Variants in GUCY2C observed in about 807,000 individuals in gnomAD.
The protein encoded by GUCY2C is guanylate cyclase 2C.
GUCY2C carries 118 observed loss-of-function variants against 131.1 expected under a neutral mutation model. That is an observed-to-expected ratio of 0.90 (90% CI 0.78 to 1.05). The LOEUF (loss-of-function observed/expected upper bound fraction) is 1.05, where lower values mean the gene tolerates loss of function less well. Ranked by LOEUF, GUCY2C falls within the 50% of genes least tolerant of loss-of-function variation. The pLI is 0.00. For synonymous variants in GUCY2C, 452 were observed against 457.8 expected (o/e 0.99, Z 0.16); for missense variants, 1,161 against 1,304.4 (o/e 0.89, Z 1.69).
At chr12:14,650,065 A>G (rs1349086256) in intron 15 of GUCY2C, among the ~76,000 whole-genome samples, 1 of 152,168 alleles carries the variant, frequency 6.6e-6, no homozygotes, top group African/African-American at 2.4e-5. Flanking sequence ...TTTAAAAATA[A>G]TAACTAGAAG....
rs11056082 is a variant in GUCY2C at position 14,653,937 on chromosome 12, G to T, written c.1471-923C>A. Among the ~76,000 whole-genome samples the T allele has an allele frequency of 9.9e-5, 15 of 152,224 alleles. No homozygotes were observed. The East Asian group carries it at 2.9e-3, about 29-fold the overall frequency. ...CATAAAAAGAGAATGGCAGAACCTA[G>T]GCTTGTCTTCTTGCCTAATGCTCTT... On this transcript the variant is annotated intron_variant, in intron 12 of 26. Coordinates refer to ENST00000261170, the MANE Select transcript of GUCY2C (RefSeq NM_004963.4).
chr12:14,671,739 G>C (rs1592133946), intron 9 of GUCY2C, among the ~76,000 whole-genome samples: 2 of 152,206 alleles, frequency 1.3e-5, no homozygotes, highest in South Asian at 4.1e-4. Context: ...GCCTCTCTCT[G>C]TGAAGATCAT....
chr12:14,661,643 T>G (rs191446699), intron 10 of GUCY2C, among the ~76,000 whole-genome samples: 66 of 152,178 alleles, frequency 4.3e-4, no homozygotes, highest in Non-Finnish European at 7.5e-4. Context: ...TTCGCCATGT[T>G]GCTGGCCATG....
intron 9 of GUCY2C, among the ~76,000 whole-genome samples, chr12:14,670,352 C>G (rs200587211): frequency 6.6e-6 from 1 of 151,360 alleles, no homozygotes; most frequent in Non-Finnish European, 1.5e-5. Context: ...TTTCTAATCT[C>G]TTCTATTCCT....
chr12:14,651,494 A>G lies in GUCY2C; in HGVS notation c.1623T>C (p.Tyr541=). ...IELNKLLQID[Y]YNLTKFYGTV... Reference sequence around the variant, plus strand: ...TGCCGTAGAACTTGGTCAGGTTGTAATAGTCAATCTGAAGCAACTAGAAGA... The same window carrying G: ...TGCCGTAGAACTTGGTCAGGTTGTAGTAGTCAATCTGAAGCAACTAGAAGA... The change falls in exon 15 of 27, where the codon TAT becomes TAC. Residue 541 remains tyrosine (Y), a synonymous_variant. Coordinates refer to ENST00000261170, the MANE Select transcript of GUCY2C (RefSeq NM_004963.4). The G allele has an allele frequency of 1.3e-6, 2 of 1,594,532 alleles. No individual in the cohort carries two copies. Among genetic ancestry groups the G allele is most frequent in the Non-Finnish European group, 1.7e-6 (2 of 1,162,262 alleles).
At chr12:14,643,463 G>A in intron 17 of GUCY2C, 111 bp downstream of exon 17, 2 of 884,430 alleles carry the variant, frequency 2.3e-6, no homozygotes, top group Non-Finnish European at 3.6e-6. Flanking sequence ...GTTGTCTCTT[G>A]TGGCTTTAAG....
In GUCY2C at chr12:14,670,053, C is replaced by T. The variant is rs116072441; in HGVS notation, c.1171-220G>A. Among the ~76,000 whole-genome samples, 240 of 152,294 alleles carry T rather than the reference C, an allele frequency of 1.6e-3. 3 individuals carry two copies. The highest frequency in any genetic ancestry group is 5.7e-3 in the African/African-American group (235 of 41,574). On this transcript the variant is annotated intron_variant, in intron 9 of 26. Coordinates refer to ENST00000261170, the MANE Select transcript of GUCY2C (RefSeq NM_004963.4). ...GATTAGTTTCCTATTTCTTTATGCTCATACACTACACCATTAACTCCTGTC... is the reference window on the plus strand; with the variant it reads ...GATTAGTTTCCTATTTCTTTATGCTTATACACTACACCATTAACTCCTGTC...
In GUCY2C at chr12:14,631,079, G is replaced by A. The variant is rs372301890; in HGVS notation, c.2158-2342C>T. Among the ~76,000 whole-genome samples, 14 of 152,228 alleles carry A rather than the reference G, an allele frequency of 9.2e-5. No individual in the cohort carries two copies. The East Asian group carries it at 2.5e-3, about 27-fold the overall frequency. On this transcript the variant is annotated intron_variant, in intron 19 of 26. Coordinates refer to ENST00000261170, the MANE Select transcript of GUCY2C (RefSeq NM_004963.4). ...CTATTGAAAAAGAAAGGGAAGGGGA[G>A]AGGTAAAAATGACCCACTCATGCCC... is the stretch of plus-strand genomic sequence containing the variant.
rs1946909535 is a variant in GUCY2C, at chr12:14,622,134, T to A, written c.2472A>T (p.Thr824=). 1.9e-6 allele frequency: 3 copies of A among 1,606,386 alleles called. No homozygotes were observed. Among genetic ancestry groups the A allele is most frequent in the Non-Finnish European group, 2.5e-6 (3 of 1,176,892 alleles). ...FVEPELYEEV[T]IYFSDIVGFT... is the part of the protein sequence containing the mutation. ...AACCTACAATGTCACTGAAGTAGATTGTAACTTCCTCATATAGTTCCGGCT... is the reference window on the plus strand; with the variant it reads ...AACCTACAATGTCACTGAAGTAGATAGTAACTTCCTCATATAGTTCCGGCT... Residue 824 remains threonine, a synonymous_variant, in exon 22 of 27, where the codon ACA becomes ACT. Transcript: ENST00000261170.
At chr12:14,616,551 A>G (rs1592070050) in intron 25 of GUCY2C, 82 bp downstream of exon 25, 6 of 812,376 alleles carry the variant, frequency 7.4e-6, no homozygotes, top group African/African-American at 1.7e-5. Context: ...AGCATGCTCA[A>G]CTTTCCTGGC....
At chr12:14,675,142 T>C (rs975997831) in intron 7 of GUCY2C, among the ~76,000 whole-genome samples, 22 of 127,800 alleles carry the variant, frequency 1.7e-4, no homozygotes, top group African/African-American at 6.1e-4. Context: ...ACCCAGGAGG[T>C]GGAGGTTGCA....
intron 1 of GUCY2C, among the ~76,000 whole-genome samples, chr12:14,691,672 A>C (rs1948576557): frequency 6.6e-6 from 1 of 152,112 alleles, no homozygotes; most frequent in Non-Finnish European, 1.5e-5. Context: ...TGAAAATGAC[A>C]CTTAAAAATC....
At chr12:14,643,974 G>A (rs938723251) in intron 16 of GUCY2C, among the ~76,000 whole-genome samples, 4 of 152,228 alleles carry the variant, frequency 2.6e-5, no homozygotes, top group South Asian at 2.1e-4. Context: ...TATAATATGA[G>A]GCAAAGGGTT....
At chr12:14,691,517 G>A (rs1329732146) in intron 1 of GUCY2C, among the ~76,000 whole-genome samples, 1 of 152,148 alleles carries the variant, frequency 6.6e-6, no homozygotes, top group Non-Finnish European at 1.5e-5. Context: ...GGGTTAGAGA[G>A]GGTCTTGGAA....
At chr12:14,686,778 G>A (rs77568270) in intron 2 of GUCY2C, among the ~76,000 whole-genome samples, 1,550 of 152,322 alleles carry the variant, frequency 0.01, 19 homozygotes, top group African/African-American at 0.036. Flanking sequence ...GAGAAAAGCA[G>A]CATATATTTC....
At chr12:14,682,446 G>T (rs1948366467) in intron 4 of GUCY2C, among the ~76,000 whole-genome samples, 1 of 152,130 alleles carries the variant, frequency 6.6e-6, no homozygotes. Context: ...TGCCATGATT[G>T]TAAGTTTCCT....
At chr12:14,651,293 C>A (rs1380706913) in intron 15 of GUCY2C, 114 bp downstream of exon 15, 7 of 603,178 alleles carry the variant, frequency 1.2e-5, no homozygotes, top group South Asian at 4.6e-5. Context: ...AAGCATGTGA[C>A]CCCACCAACT....
At chr12:14,649,261 A>G (rs1231303379) in intron 15 of GUCY2C, among the ~76,000 whole-genome samples, 2 of 152,232 alleles carry the variant, frequency 1.3e-5, no homozygotes, top group Non-Finnish European at 2.9e-5. Context: ...CCAAGAATGA[A>G]GACAAAATAT....
At chr12:14,652,158 T>G (rs1040267425) in intron 13 of GUCY2C, 128 bp from the exon 14 acceptor site, 6 of 315,518 alleles carry the variant, frequency 1.9e-5, no homozygotes, top group African/African-American at 1.3e-4. Context: ...TTTGATTGAT[T>G]TTTTATATTT....
Sources: gnomAD v4.1 joint callset for allele counts (sites outside exome capture counted in the v4.1 genomes callset) on GRCh38, gnomAD v4.1.1 for gene constraint, MANE v1.5 for transcripts, NCBI Gene and HGNC (gene_info 2026-07-23, HGNC 2026-07-21) for gene names.